Variants in SNAP91 observed in about 807,000 individuals in gnomAD.
SNAP91 encodes clathrin coat assembly protein AP180.
Under a neutral mutation model 100.3 loss-of-function variants are expected in SNAP91, and 27 were observed. The observed-to-expected ratio is 0.27, with a 90% confidence interval of 0.20 to 0.37. The LOEUF (loss-of-function observed/expected upper bound fraction) is 0.37, where lower values mean the gene tolerates loss of function less well. SNAP91 is among the 10% of genes least tolerant of loss of function. The probability of loss-of-function intolerance (pLI) is 1.00; values close to 1 mark genes in which losing one functional copy is unlikely to be tolerated. For missense variants in SNAP91, 986 were observed against 1,123.7 expected, an observed-to-expected ratio of 0.88 and a Z score of 1.75; for synonymous variants, 404 against 398.6, an observed-to-expected ratio of 1.01 and a Z score of -0.16.
chr6:83,597,700 C>A (rs2094629520), intron 16 of SNAP91, among the ~76,000 whole-genome samples: 1 of 152,182 alleles, frequency 6.6e-6, no homozygotes, highest in South Asian at 2.1e-4. Flanking sequence ...TTGTTTCCCT[C>A]AGCCTGACCT....
chr6:83,561,068 G>C (rs1036596106), intron 26 of SNAP91, 121 bp from the exon 27 acceptor site: 3 of 684,538 alleles, frequency 4.4e-6, no homozygotes, highest in Non-Finnish European at 7.2e-6. Flanking sequence ...TTAAAGATGG[G>C]GTCTCACTGC....
intron 2 of SNAP91, among the ~76,000 whole-genome samples, chr6:83,679,365 T>TA (rs2098955552): frequency 1.3e-5 from 2 of 152,142 alleles, no homozygotes; most frequent in Admixed American, 1.3e-4. Context: ...ACTAGTTTTT[T>TA]AAAAAATGGT....
rs564722259 is a variant in SNAP91 at position 83,673,159 on chromosome 6, C to G, written c.131-7578G>C. 2.9e-3 allele frequency among the ~76,000 whole-genome samples: 439 copies of G among 151,828 alleles called. 1 individual carries two copies. Among genetic ancestry groups the G allele is most frequent in the African/African-American group, 0.01 (427 of 41,130 alleles). ...CATTGTAATTCTTTTAAATTTACAT[C>G]TCATTCCTTCCTTCTTCTCTTTCTG... On this transcript the variant is annotated intron_variant, in intron 2 of 29. Coordinates refer to ENST00000369694, the MANE Select transcript of SNAP91 (RefSeq NM_001242792.2).
chr6:83,656,691 C>T (rs990142932), intron 7 of SNAP91, 63 bp downstream of exon 7: 2 of 699,082 alleles, frequency 2.9e-6, no homozygotes, highest in Middle Eastern at 2.4e-4. Context: ...ACTCACCCCA[C>T]AGAATTCATC....
In SNAP91 at chr6:83,553,637, C is replaced by G. The variant is rs151309985; in HGVS notation, c.*659G>C. On this transcript the variant is annotated 3_prime_UTR_variant, in exon 30 of 30. Transcript: ENST00000369694. The stretch of plus-strand genomic sequence containing the variant: ...TGATAAATAGGGGATTCTTCCCATA[C>G]GATTTTTCGTTCTTGATAAGGTAGC... The G allele has an allele frequency of 2.6e-5, 4 of 151,966 alleles. No homozygotes were observed. The highest frequency in any genetic ancestry group is 9.7e-5 in the African/African-American group (4 of 41,406). 9.4% of individuals were successfully genotyped at this position (151,966 alleles called of 1,614,324 possible). A position where few individuals can be genotyped will look rare whatever the true frequency, so the allele number is the denominator to read the frequency against.
chr6:83,624,548 CCT>C (rs1424623896), intron 8 of SNAP91, among the ~76,000 whole-genome samples: 2 of 152,042 alleles, frequency 1.3e-5, no homozygotes, highest in Non-Finnish European at 2.9e-5. Flanking sequence ...TACCTTCTTT[CCT>C]CTTTCTTCTC....
chr6:83,694,933 CAT>C (rs1478815642), intron 2 of SNAP91, among the ~76,000 whole-genome samples: 1 of 152,106 alleles, frequency 6.6e-6, no homozygotes, highest in Admixed American at 6.5e-5. Context: ...AATATTTTGA[CAT>C]ATATTCTTCC....
intron 24 of SNAP91, among the ~76,000 whole-genome samples, chr6:83,579,214 C>T (rs948682121): frequency 4.6e-5 from 7 of 152,052 alleles, no homozygotes; most frequent in African/African-American, 1.7e-4. Context: ...ATTGCTCTAG[C>T]GGGTTAGCTT....
At chr6:83,629,440 T>G (rs958979033) in intron 8 of SNAP91, among the ~76,000 whole-genome samples, 1 of 150,058 alleles carries the variant, frequency 6.7e-6, no homozygotes, top group Admixed American at 6.6e-5. Flanking sequence ...ATGTGTAGAT[T>G]GCTTTTGGCA....
At chr6:83,656,454 A>G (rs897046713) in intron 7 of SNAP91, among the ~76,000 whole-genome samples, 4 of 152,198 alleles carry the variant, frequency 2.6e-5, no homozygotes, top group Non-Finnish European at 5.9e-5. Context: ...CTTTCATCAT[A>G]ACACGATAGG....
At chr6:83,566,946 G>A (rs990621974) in intron 26 of SNAP91, among the ~76,000 whole-genome samples, 2 of 152,154 alleles carry the variant, frequency 1.3e-5, no homozygotes, top group East Asian at 3.8e-4. Context: ...CTGTTTCCGA[G>A]AGGTACCTGA....
intron 8 of SNAP91, among the ~76,000 whole-genome samples, chr6:83,629,605 T>A (rs768063703): frequency 6.6e-6 from 1 of 152,114 alleles, no homozygotes; most frequent in Non-Finnish European, 1.5e-5. Context: ...GTATTTTATT[T>A]TTTTGCAGTT....
Position 83,580,560 on chromosome 6 carries a change from G to T in SNAP91, c.2189C>A (p.Ala730Glu). Reference sequence around the variant, plus strand: ...GACAGGTGCAGGCTGCCCAGCTGGTGCCATGGTTGGCATCAAAAGATCACC... The same window carrying T: ...GACAGGTGCAGGCTGCCCAGCTGGTTCCATGGTTGGCATCAAAAGATCACC... ...GLGDLLMPTMAPAGQPAPVSM... is the reference protein window; with the variant it reads ...GLGDLLMPTMEPAGQPAPVSM... Residue 730 changes from alanine to glutamate, a missense_variant, in exon 24 of 30, where the codon GCA becomes GAA. This residue lies in a region of SNAP91 where 575 missense variants were observed against 579.9 expected (regional missense o/e 0.99). Transcript: ENST00000369694. The T allele has an allele frequency of 6.2e-7, 1 of 1,613,274 alleles. No homozygotes were observed.
chr6:83,625,871 A>C (rs78421156), intron 8 of SNAP91, among the ~76,000 whole-genome samples: 1 of 151,912 alleles, frequency 6.6e-6, no homozygotes, highest in Non-Finnish European at 1.5e-5. Flanking sequence ...GCAGCTCTTT[A>C]AATAAGTCTT....
At chr6:83,642,937 C>T (rs1201676450) in intron 7 of SNAP91, among the ~76,000 whole-genome samples, 1 of 152,148 alleles carries the variant, frequency 6.6e-6, no homozygotes, top group Non-Finnish European at 1.5e-5. Flanking sequence ...TCTTTGATGG[C>T]CAGTGATGAT....
At position 83,624,120 on chromosome 6, in the gene SNAP91, T is replaced by G. The variant is rs2096839642; in HGVS notation, c.766-778A>C. On this transcript the variant is annotated intron_variant, in intron 8 of 29. Transcript: ENST00000369694. The stretch of plus-strand genomic sequence containing the variant: ...TATGATATACTTGTAGAAGTGGAAT[T>G]ACCAGATAAAAGTATATGCATATTG... Among the ~76,000 whole-genome samples the G allele has an allele frequency of 2.0e-5, 3 of 152,070 alleles. No individual in the cohort carries two copies. The South Asian group carries it at 6.2e-4, about 32-fold the overall frequency.
At chr6:83,685,444 A>G (rs1254153049) in intron 2 of SNAP91, among the ~76,000 whole-genome samples, 9 of 152,262 alleles carry the variant, frequency 5.9e-5, no homozygotes, top group African/African-American at 1.2e-4. Context: ...GTCATTAAAA[A>G]TAATTAAAGT....
chr6:83,654,069 C>CT (rs1426031694), intron 7 of SNAP91, among the ~76,000 whole-genome samples: 1 of 152,140 alleles, frequency 6.6e-6, no homozygotes, highest in Non-Finnish European at 1.5e-5. Flanking sequence ...CTATAGGAGC[C>CT]TAGTTGAGCT....
In SNAP91 at chr6:83,580,435, A is replaced by C. The variant is rs1826495923; in HGVS notation, c.2299+15T>G. The C allele has an allele frequency of 6.4e-7, 1 of 1,573,504 alleles. No individual in the cohort carries two copies. Among genetic ancestry groups the C allele is most frequent in the Admixed American group, 2.0e-5 (1 of 49,322 alleles). ...GCTTCAGTTAAAGAAAAAAAAAAAA[A>C]ACTAGATTACTCACTGCCTACTAAG... On this transcript the variant is annotated intron_variant, in intron 24 of 29. Coordinates refer to ENST00000369694, the MANE Select transcript of SNAP91 (RefSeq NM_001242792.2).
Sources: allele counts gnomAD v4.1 joint callset (sites outside exome capture counted in the v4.1 genomes callset), GRCh38; gene constraint gnomAD v4.1.1; regional missense constraint gnomAD v4.1.1; transcripts MANE v1.5; gene names NCBI Gene and HGNC (gene_info 2026-07-23, HGNC 2026-07-21).